Variants in KCNQ5 observed in about 807,000 individuals in gnomAD.
The protein encoded by KCNQ5 is potassium voltage-gated channel subfamily KQT member 5.
In KCNQ5, 30 loss-of-function variants were observed where a neutral mutation model predicts 98.2. The observed-to-expected ratio is 0.31, with a 90% CI of 0.23 to 0.41. KCNQ5 has a LOEUF of 0.41. KCNQ5 is among the 10% of genes least tolerant of loss of function. The probability of loss-of-function intolerance (pLI) is 1.00; values close to 1 mark genes in which losing one functional copy is unlikely to be tolerated. For missense variants in KCNQ5, 835 were observed against 1,182.5 expected, an observed-to-expected ratio of 0.71 and a Z score of 4.31; for synonymous variants, 458 against 449.4, an observed-to-expected ratio of 1.02 and a Z score of -0.24.
chr6:73,157,323 A>C (rs1777402778), intron 10 of KCNQ5, among the ~76,000 whole-genome samples: 2 of 152,100 alleles, frequency 1.3e-5, no homozygotes, highest in African/African-American at 4.8e-5. Context: ...GAGTGTGCAG[A>C]AAAGGGCTGA....
chr6:73,137,091 T>C (rs1209082400), intron 10 of KCNQ5, among the ~76,000 whole-genome samples: 1 of 149,136 alleles, frequency 6.7e-6, no homozygotes, highest in Non-Finnish European at 1.5e-5. Context: ...AATTGAAAGA[T>C]AGTATAATAG....
chr6:73,053,867 T>C (rs941058047), intron 3 of KCNQ5, among the ~76,000 whole-genome samples: 2 of 151,396 alleles, frequency 1.3e-5, no homozygotes, highest in Non-Finnish European at 2.9e-5. Context: ...CTGAAGGAAA[T>C]TGAGACGCAA....
rs145216403 is a variant in KCNQ5 at position 72,887,454 on chromosome 6, G to A, written c.399-116454G>A. Among the ~76,000 whole-genome samples, 30 of 152,212 alleles carry A rather than the reference G, an allele frequency of 2.0e-4. No homozygotes were observed. The East Asian group carries it at 5.4e-3, about 27-fold the overall frequency. On this transcript the variant is annotated intron_variant, in intron 1 of 13. Transcript: ENST00000370398. ...GGGAATTGTGGGAGTTACAATTCAAGATGAGATTTGGGTGAGGACACAGCC... is the reference window on the plus strand; with the variant it reads ...GGGAATTGTGGGAGTTACAATTCAAAATGAGATTTGGGTGAGGACACAGCC...
At chr6:72,885,845 T>C (rs1222418812) in intron 1 of KCNQ5, among the ~76,000 whole-genome samples, 2 of 152,076 alleles carry the variant, frequency 1.3e-5, no homozygotes, top group Non-Finnish European at 1.5e-5. Flanking sequence ...TAAAATTGGG[T>C]GAGGGAACCA....
At chr6:73,017,449 G>A (rs1401065516) in intron 2 of KCNQ5, among the ~76,000 whole-genome samples, 3 of 147,754 alleles carry the variant, frequency 2.0e-5, no homozygotes, top group African/African-American at 2.7e-5. Flanking sequence ...TATTGCTTTG[G>A]TACTGCACAA....
intron 1 of KCNQ5, among the ~76,000 whole-genome samples, chr6:72,831,466 G>A (rs12202168): frequency 0.35 from 53,449 of 151,586 alleles, 9,591 homozygotes; most frequent in South Asian, 0.53. Context: ...ATTCTCAGCA[G>A]ACTATCGCAA....
chr6:72,960,068 A>G (rs1220989337), intron 1 of KCNQ5, among the ~76,000 whole-genome samples: 1 of 152,208 alleles, frequency 6.6e-6, no homozygotes, highest in African/African-American at 2.4e-5. Context: ...ACAGAGTAGG[A>G]TCATACTGAA....
chr6:72,766,747 T>C (rs1481359698), intron 1 of KCNQ5, among the ~76,000 whole-genome samples: 2 of 151,858 alleles, frequency 1.3e-5, no homozygotes, highest in East Asian at 1.9e-4. Context: ...AAATATGGTA[T>C]GTTGGGGGCA....
intron 1 of KCNQ5, among the ~76,000 whole-genome samples, chr6:72,715,649 A>G (rs1176586836): frequency 6.6e-6 from 1 of 152,178 alleles, no homozygotes; most frequent in African/African-American, 2.4e-5. Flanking sequence ...TTACCTAGAA[A>G]TATGGATGCC....
chr6:72,734,414 C>T (rs1231693622), intron 1 of KCNQ5, among the ~76,000 whole-genome samples: 6 of 152,092 alleles, frequency 3.9e-5, no homozygotes, highest in African/African-American at 9.6e-5. Context: ...CTCCACCTCC[C>T]GGGTTCACGC....
At chr6:72,675,932 T>C (rs1282667611) in intron 1 of KCNQ5, among the ~76,000 whole-genome samples, 25 of 152,226 alleles carry the variant, frequency 1.6e-4, no homozygotes, top group Non-Finnish European at 1.5e-5. Context: ...CTTTCTTTTG[T>C]TTTTAAATAT....
At chr6:72,997,618 A>C (rs1215095127) in intron 1 of KCNQ5, among the ~76,000 whole-genome samples, 1 of 149,764 alleles carries the variant, frequency 6.7e-6, no homozygotes, top group African/African-American at 2.5e-5. Flanking sequence ...TACTAAAAAT[A>C]CAAAAAAAAA....
chr6:72,659,612 T>A (rs922244357), intron 1 of KCNQ5, among the ~76,000 whole-genome samples: 5 of 152,156 alleles, frequency 3.3e-5, no homozygotes, highest in Non-Finnish European at 7.4e-5. Flanking sequence ...TAATGCTGTG[T>A]CCTCACGTGG....
chr6:73,012,874 G>C (rs955812021), intron 2 of KCNQ5, among the ~76,000 whole-genome samples: 3 of 147,368 alleles, frequency 2.0e-5, no homozygotes, highest in Admixed American at 1.4e-4. Flanking sequence ...CAAAAAAAAA[G>C]TGGTTAATGA....
intron 2 of KCNQ5, among the ~76,000 whole-genome samples, chr6:73,037,325 C>T (rs1048797212): frequency 6.6e-6 from 1 of 152,064 alleles, no homozygotes; most frequent in African/African-American, 2.4e-5. Context: ...CTTGTCTTTT[C>T]ATCCTTAGTA....
intron 5 of KCNQ5, among the ~76,000 whole-genome samples, chr6:73,082,207 G>A (rs1773805913): frequency 6.6e-6 from 1 of 152,184 alleles, no homozygotes; most frequent in Non-Finnish European, 1.5e-5. Context: ...CATCCGCCTT[G>A]TTACCCTGCA....
chr6:72,763,235 G>A (rs911782723), intron 1 of KCNQ5, among the ~76,000 whole-genome samples: 5 of 151,918 alleles, frequency 3.3e-5, no homozygotes, highest in Admixed American at 3.3e-4. Flanking sequence ...GTATTAACAA[G>A]CCTTACATTA....
At chr6:73,055,015 CA>C in intron 3 of KCNQ5, 1 of 491,978 alleles carries the variant, frequency 2.0e-6, no homozygotes, top group South Asian at 2.0e-5. Flanking sequence ...AGTCAATGTA[CA>C]AAAATCAGTA....
intron 1 of KCNQ5, among the ~76,000 whole-genome samples, chr6:72,897,706 A>G (rs1015562626): frequency 2.0e-5 from 3 of 152,210 alleles, no homozygotes; most frequent in Non-Finnish European, 4.4e-5. Flanking sequence ...AAAAAGGAGG[A>G]GAGGGAGTAC....
Sources: gnomAD v4.1 joint callset for allele counts (sites outside exome capture counted in the v4.1 genomes callset) on GRCh38, gnomAD v4.1.1 for gene constraint, MANE v1.5 for transcripts, NCBI Gene and HGNC (gene_info 2026-07-23, HGNC 2026-07-21) for gene names.